DMD: variants seen among roughly 807,000 people sequenced by gnomAD.
DMD encodes the protein dystrophin.
Under a neutral mutation model 330.1 loss-of-function variants are expected in DMD, and 63 were observed. The observed-to-expected ratio is 0.19, with a 90% CI of 0.16 to 0.24. The LOEUF is 0.24. Ranked by LOEUF, DMD falls within the 10% of genes least tolerant of loss-of-function variation. The probability of loss-of-function intolerance (pLI) is 1.00; values close to 1 mark genes in which losing one functional copy is unlikely to be tolerated. For missense variants in DMD, 3,344 were observed against 2,684.1 expected, an observed-to-expected ratio of 1.25 and a Z score of -5.43; for synonymous variants, 1,223 against 959.8, an observed-to-expected ratio of 1.27 and a Z score of -5.07.
chrX:32,000,202 C>T (rs1381041510), intron 44 of DMD, among the ~76,000 whole-genome samples: 4 of 111,728 alleles, frequency 3.6e-5, no homozygotes, highest in Non-Finnish European at 7.5e-5. Flanking sequence ...AGATGCATGA[C>T]GGATAAACTA....
At chrX:32,965,003 A>G (rs2092086243) in intron 2 of DMD, among the ~76,000 whole-genome samples, 1 of 111,526 alleles carries the variant, frequency 9.0e-6, no homozygotes, top group Non-Finnish European at 1.9e-5. Flanking sequence ...GAAACACATT[A>G]AACAATATCA....
chrX:32,802,469 C>A (rs1190911924), intron 7 of DMD, among the ~76,000 whole-genome samples: 2 of 111,304 alleles, frequency 1.8e-5, no homozygotes, highest in South Asian at 7.5e-4. Flanking sequence ...AATACCCTTT[C>A]TTTCTCCTGC....
chrX:32,557,012 AATTG>A (rs1242809563), intron 16 of DMD, among the ~76,000 whole-genome samples: 1 of 111,756 alleles, frequency 8.9e-6, no homozygotes, highest in Non-Finnish European at 1.9e-5. Context: ...AAGTGTTTTG[AATTG>A]ATTATCTTAT....
intron 37 of DMD, among the ~76,000 whole-genome samples, chrX:32,352,436 A>G (rs1237487113): frequency 9.0e-6 from 1 of 111,079 alleles, no homozygotes; most frequent in African/African-American, 3.3e-5. Context: ...ATTATTGTAT[A>G]AACTCATAAT....
intron 55 of DMD, among the ~76,000 whole-genome samples, chrX:31,535,568 A>C (rs1363526461): frequency 1.9e-5 from 2 of 105,525 alleles, no homozygotes; most frequent in Non-Finnish European, 3.9e-5. Flanking sequence ...CATTCAGGAC[A>C]TAGGCGTGGG....
chrX:33,052,685 C>G (rs777764672), intron 1 of DMD, among the ~76,000 whole-genome samples: 1 of 111,708 alleles, frequency 9.0e-6, no homozygotes, highest in Non-Finnish European at 1.9e-5. Context: ...TTACTTGTCT[C>G]TCTACTGAAC....
intron 60 of DMD, among the ~76,000 whole-genome samples, chrX:31,378,147 G>T: frequency 9.0e-6 from 1 of 111,530 alleles, no homozygotes; most frequent in Middle Eastern, 4.6e-3. Context: ...CCTGTTTGGT[G>T]GTCTCTTCAC....
chrX:33,244,894 C>T (rs2052642416), intron 1 of DMD, among the ~76,000 whole-genome samples: 1 of 111,769 alleles, frequency 8.9e-6, no homozygotes, highest in Admixed American at 9.5e-5. Flanking sequence ...GTCTTCAAGT[C>T]ATGCATAAAA....
At chrX:31,778,632 G>A (rs1033541122) in intron 50 of DMD, among the ~76,000 whole-genome samples, 4 of 96,226 alleles carry the variant, frequency 4.2e-5, no homozygotes, top group East Asian at 7.0e-4. Context: ...GTGCAGTGGC[G>A]TGATCTCAGC....
In DMD at chrX:32,972,447, T is replaced by A. The variant is rs140486398; in HGVS notation, c.93+47692A>T. Among the ~76,000 whole-genome samples, 219 of 111,822 alleles carry A rather than the reference T, an allele frequency of 2.0e-3. 3 individuals carry two copies. The East Asian group carries it at 0.035, about 18-fold the overall frequency. On this transcript the variant is annotated intron_variant, in intron 2 of 78. Coordinates refer to ENST00000357033, the MANE Select transcript of DMD (RefSeq NM_004006.3). ...TGCCCACCTTGGCCTCCTAAAGTGC[T>A]GGGATTACAGGCATGAGCCACTGTG...
chrX:32,699,877 T>C (rs936709358), intron 7 of DMD, among the ~76,000 whole-genome samples: 16 of 112,061 alleles, frequency 1.4e-4, no homozygotes, highest in Non-Finnish European at 2.6e-4. Context: ...ATGTTAAAAA[T>C]ATTTGTTTAC....
At chrX:32,946,689 T>A (rs1038685523) in intron 2 of DMD, among the ~76,000 whole-genome samples, 1 of 112,200 alleles carries the variant, frequency 8.9e-6, no homozygotes, top group Middle Eastern at 4.2e-3. Flanking sequence ...GTTTATGAAG[T>A]CCCTGCTTCG....
intron 1 of DMD, among the ~76,000 whole-genome samples, chrX:33,021,524 C>G (rs886129775): frequency 3.6e-5 from 4 of 111,244 alleles, no homozygotes; most frequent in African/African-American, 9.8e-5. Context: ...CATATTTGCT[C>G]TCATATATTT....
intron 11 of DMD, among the ~76,000 whole-genome samples, chrX:32,624,909 C>T (rs1022901470): frequency 3.6e-5 from 4 of 111,864 alleles, no homozygotes; most frequent in East Asian, 2.8e-4. Flanking sequence ...TGCGATGGCT[C>T]ACGCCTGTAA....
At chrX:31,906,144 G>T (rs1184815034) in intron 47 of DMD, among the ~76,000 whole-genome samples, 1 of 111,228 alleles carries the variant, frequency 9.0e-6, no homozygotes, top group Non-Finnish European at 1.9e-5. Context: ...GTTTTATAAG[G>T]GGCTTTTCCC....
intron 4 of DMD, among the ~76,000 whole-genome samples, chrX:32,831,546 C>T (rs979301415): frequency 1.8e-5 from 2 of 109,049 alleles, no homozygotes; most frequent in Non-Finnish European, 3.8e-5. Flanking sequence ...TTTCAATAAC[C>T]AAGTCAAATA....
At chrX:31,467,458 G>A (rs1283173683) in intron 59 of DMD, among the ~76,000 whole-genome samples, 2 of 111,848 alleles carry the variant, frequency 1.8e-5, no homozygotes, top group African/African-American at 6.5e-5. Flanking sequence ...TTTAAGTGAT[G>A]GATTATGTTT....
At chrX:32,594,703 T>C (rs1176913450) in intron 13 of DMD, among the ~76,000 whole-genome samples, 1 of 111,648 alleles carries the variant, frequency 9.0e-6, no homozygotes, top group Non-Finnish European at 1.9e-5. Context: ...TTATGATTTC[T>C]CCTTACTCCT....
At chrX:31,581,861 C>T (rs1362480009) in intron 55 of DMD, among the ~76,000 whole-genome samples, 4 of 111,359 alleles carry the variant, frequency 3.6e-5, no homozygotes, top group African/African-American at 9.8e-5. Context: ...AGATGTTGAC[C>T]GTAAATTTCT....
Sources: gnomAD v4.1 joint callset for allele counts (sites outside exome capture counted in the v4.1 genomes callset) on GRCh38, gnomAD v4.1.1 for gene constraint, MANE v1.5 for transcripts, NCBI Gene and HGNC (gene_info 2026-07-23, HGNC 2026-07-21) for gene names.